PCDHGB7: variants seen among roughly 807,000 people sequenced by gnomAD.
The protein encoded by PCDHGB7 is protocadherin gamma-B7.
A neutral mutation model predicts 61.4 loss-of-function variants in PCDHGB7; 37 were observed. The observed-to-expected ratio is 0.60, with a 90% CI of 0.46 to 0.79. PCDHGB7 has a LOEUF of 0.79. Among genes scored for constraint, PCDHGB7 ranks in the 30% least tolerant of loss-of-function variants. PCDHGB7 has a pLI of 0.00. For missense variants in PCDHGB7, 1,166 were observed against 1,202.5 expected (o/e 0.97, Z 0.45); for synonymous variants, 464 against 503.5 (o/e 0.92, Z 1.05).
At chr5:141,422,638 T>C (rs1412270971) in intron 1 of PCDHGB7, 1 of 1,612,392 alleles carries the variant, frequency 6.2e-7, no homozygotes, top group Non-Finnish European at 8.5e-7. Context: ...CAGGGGTGCC[T>C]CCATCTTCTC....
At chr5:141,437,040 C>G (rs188070264) in intron 1 of PCDHGB7, among the ~76,000 whole-genome samples, 1 of 152,266 alleles carries the variant, frequency 6.6e-6, no homozygotes, top group African/African-American at 2.4e-5. Flanking sequence ...ATCACCGAAA[C>G]CAGAAGGCTG....
intron 2 of PCDHGB7, among the ~76,000 whole-genome samples, chr5:141,498,710 T>C (rs2099785302): frequency 1.3e-5 from 2 of 152,108 alleles, no homozygotes. Flanking sequence ...GGTGGGTGGA[T>C]CACCTGAGGT....
At chr5:141,472,745 G>A (rs931198460) in intron 1 of PCDHGB7, among the ~76,000 whole-genome samples, 4 of 152,038 alleles carry the variant, frequency 2.6e-5, no homozygotes, top group African/African-American at 9.7e-5. Flanking sequence ...CAGCACTTTG[G>A]GAGGCGGAGG....
intron 1 of PCDHGB7, among the ~76,000 whole-genome samples, chr5:141,443,771 A>G (rs1031470429): frequency 9.2e-5 from 14 of 152,238 alleles, no homozygotes; most frequent in African/African-American, 3.1e-4. Context: ...ATACAATATT[A>G]CCAAAAAGAC....
chr5:141,466,099 G>A (rs879849411), intron 1 of PCDHGB7, among the ~76,000 whole-genome samples: 2 of 151,938 alleles, frequency 1.3e-5, no homozygotes, highest in Non-Finnish European at 2.9e-5. Context: ...TCCAGCCTGG[G>A]CAACAGAGTG....
At position 141,431,317 on chromosome 5, in the gene PCDHGB7, C is replaced by T. The variant is rs778667104; in HGVS notation, c.2415+11043C>T. ...TCTCCCTCATCGTGCAAAATGGAGC[C>T]GACGGTAGTAAGTACCCCGAATTGG... On this transcript the variant is annotated intron_variant, in intron 1 of 3. Coordinates refer to ENST00000398594, the MANE Select transcript of PCDHGB7 (RefSeq NM_018927.4). This position sits in a 1 kb window ranked among gnomAD's most constrained non-coding sequence, Gnocchi z 4.8. The T allele has an allele frequency of 6.2e-6, 10 of 1,613,964 alleles. No homozygotes were observed. The highest frequency in any genetic ancestry group is 7.6e-6 in the Non-Finnish European group (9 of 1,180,046).
chr5:141,464,079 A>G (rs996899520), intron 1 of PCDHGB7, among the ~76,000 whole-genome samples: 3 of 152,124 alleles, frequency 2.0e-5, no homozygotes, highest in Non-Finnish European at 4.4e-5. Flanking sequence ...AGCCTGGCCA[A>G]CATGGTGAAA....
chr5:141,446,532 A>G (rs1443843436), intron 1 of PCDHGB7, among the ~76,000 whole-genome samples: 1 of 151,788 alleles, frequency 6.6e-6, no homozygotes, highest in Non-Finnish European at 1.5e-5. Flanking sequence ...GCTGGAGTGC[A>G]GTGGCCCTAT....
At position 141,431,368 on chromosome 5, in the gene PCDHGB7, A is replaced by G; in HGVS notation, c.2415+11094A>G. On this transcript the variant is annotated intron_variant, in intron 1 of 3. Coordinates refer to ENST00000398594, the MANE Select transcript of PCDHGB7 (RefSeq NM_018927.4). The surrounding 1 kb of genome is among the most constrained non-coding windows in gnomAD (Gnocchi z 4.8). ...TGCTGAAACGCGCCCTGGACCGCGA[A>G]GAAAAGGCTGCTCACCACCTGGTCC... 1.9e-6 allele frequency: 3 copies of G among 1,614,002 alleles called. No individual in the cohort carries two copies. The highest frequency in any genetic ancestry group is 2.5e-6 in the Non-Finnish European group (3 of 1,180,034).
At chr5:141,433,308 C>A in intron 1 of PCDHGB7, 2 of 915,352 alleles carry the variant, frequency 2.2e-6, no homozygotes, top group Non-Finnish European at 1.6e-6. Context: ...ATTATCCCAC[C>A]TTTGCCTCCG....
intron 1 of PCDHGB7, chr5:141,429,167 T>TATAC (rs1240034860): frequency 3.1e-4 from 42 of 136,210 alleles, no homozygotes; most frequent in African/African-American, 7.0e-4. Flanking sequence ...AGACATTGTT[T>TATAC]ATACACACAC....
In PCDHGB7 at chr5:141,478,818, C is replaced by T. The variant is rs980032138; in HGVS notation, c.2416-15989C>T. ...AGCACTCTTTTGCTATCACAACTAA[C>T]CAATCTTGCTAAGGGATGGTTAAGC... On this transcript the variant is annotated intron_variant, in intron 1 of 3. Transcript: ENST00000398594. The T allele has an allele frequency of 2.1e-5, 30 of 1,449,330 alleles. No individual in the cohort carries two copies. The African/African-American group carries it at 3.3e-4, about 16-fold the overall frequency. 89.8% of individuals were successfully genotyped at this position (1,449,330 alleles called of 1,614,324 possible). A position where few individuals can be genotyped will look rare whatever the true frequency, so the allele number is the denominator to read the frequency against.
At position 141,487,144 on chromosome 5, in the gene PCDHGB7, C is replaced by T. The variant is rs2099640304; in HGVS notation, c.2416-7663C>T. The T allele has an allele frequency of 6.2e-7, 1 of 1,614,032 alleles. No homozygotes were observed. Among genetic ancestry groups the T allele is most frequent in the African/African-American group, 1.3e-5 (1 of 75,056 alleles). On this transcript the variant is annotated intron_variant, in intron 1 of 3. Coordinates refer to ENST00000398594, the MANE Select transcript of PCDHGB7 (RefSeq NM_018927.4). This position sits in a 1 kb window ranked among gnomAD's most constrained non-coding sequence, Gnocchi z 5.0. ...ATAGTGGTAGTCCACCACTCTCTAC[C>T]TCTGTTACTCTCTTAGTGTCCTTAG...
At chr5:141,430,948 A>C (rs753305931) in intron 1 of PCDHGB7, 47 of 1,609,938 alleles carry the variant, frequency 2.9e-5, no homozygotes, top group Non-Finnish European at 4.0e-5. Context: ...CGGAGCGCGG[A>C]GTCCGCATCA....
intron 1 of PCDHGB7, among the ~76,000 whole-genome samples, chr5:141,460,983 GTATA>G (rs59296681): frequency 0.024 from 3,365 of 137,748 alleles, 55 homozygotes; most frequent in African/African-American, 0.035. Flanking sequence ...GTGTGTGTGT[GTATA>G]TATATATATG....
Position 141,419,010 on chromosome 5 carries a change from G to A in PCDHGB7, c.1151G>A (p.Cys384Tyr), listed in dbSNP as rs2096312778. Reference sequence around the variant, plus strand: ...TCAGGGGAAAATGGGGAAGTCAGGTGTAGCTTAAGTAGAGGTGTTCCATTT... The same window carrying A: ...TCAGGGGAAAATGGGGAAGTCAGGTATAGCTTAAGTAGAGGTGTTCCATTT... ...QDSGENGEVR[C>Y]SLSRGVPFKI... The change falls in exon 1 of 4, where the codon TGT becomes TAT. Residue 384 changes from cysteine (C) to tyrosine (Y), a missense_variant. By Grantham distance (194) the Cys-to-Tyr change is radical. Transcript: ENST00000398594. The A allele has an allele frequency of 1.2e-6, 2 of 1,613,866 alleles. No homozygotes were observed. The highest frequency in any genetic ancestry group is 8.5e-7 in the Non-Finnish European group (1 of 1,179,876).
rs150249178 is a variant in PCDHGB7 at position 141,432,742 on chromosome 5, C to A, written c.2415+12468C>A. 154 of 1,614,076 alleles carry A rather than the reference C, an allele frequency of 9.5e-5. No individual in the cohort carries two copies. In the Middle Eastern group the frequency reaches 1.3e-3, roughly 14 times the overall value. On this transcript the variant is annotated intron_variant, in intron 1 of 3. Transcript: ENST00000398594. This position sits in a 1 kb window ranked among gnomAD's most constrained non-coding sequence, Gnocchi z 6.0. ...CTCTCTCCGCCACTGTCACGCTCAC[C>A]GTGGCCGTGGCCGACAGCATCCCCC... is the stretch of plus-strand genomic sequence containing the variant.
intron 1 of PCDHGB7, among the ~76,000 whole-genome samples, chr5:141,472,437 G>A (rs1332528325): frequency 6.6e-6 from 1 of 152,116 alleles, no homozygotes; most frequent in Non-Finnish European, 1.5e-5. Flanking sequence ...CTACTAGGGA[G>A]GCTGAGGCAG....
chr5:141,461,088 G>A (rs2099008870), intron 1 of PCDHGB7, among the ~76,000 whole-genome samples: 1 of 151,800 alleles, frequency 6.6e-6, no homozygotes, highest in Non-Finnish European at 1.5e-5. Context: ...GAATTGTGCT[G>A]CTATAAACAT....
Sources: gnomAD v4.1 joint callset for allele counts (sites outside exome capture counted in the v4.1 genomes callset) on GRCh38, gnomAD v4.1.1 for gene constraint, Gnocchi (gnomAD v3.1) non-coding constraint, MANE v1.5 for transcripts, NCBI Gene and HGNC (gene_info 2026-07-23, HGNC 2026-07-21) for gene names.